The following FAM193A variants were observed in gnomAD, a reference collection of about 807,000 sequenced individuals.
FAM193A encodes the protein family with sequence similarity 193 member A, also known as protein FAM193A.
Under a neutral mutation model 126.5 loss-of-function variants are expected in FAM193A, and 22 were observed. The ratio of observed to expected loss-of-function variants is 0.17; its 90% CI spans 0.12 to 0.25. The LOEUF (loss-of-function observed/expected upper bound fraction) is 0.25. Among genes scored for constraint, FAM193A ranks in the 10% least tolerant of loss-of-function variants. The pLI, the probability that FAM193A is intolerant of heterozygous loss-of-function variation, is 1.00. For missense variants in FAM193A, 1,675 were observed against 1,672.8 expected, an observed-to-expected ratio of 1.00 and a Z score of -0.02; for synonymous variants, 761 against 646.8, an observed-to-expected ratio of 1.18 and a Z score of -2.68.
chr4:2,693,133 A>G (rs964453610), intron 15 of FAM193A, among the ~76,000 whole-genome samples: 1 of 151,898 alleles, frequency 6.6e-6, no homozygotes, highest in Non-Finnish European at 1.5e-5. Context: ...ATCCTCCTGC[A>G]TCAGCCTCCC....
intron 13 of FAM193A, among the ~76,000 whole-genome samples, chr4:2,685,641 A>T (rs748053111): frequency 2.0e-5 from 3 of 152,210 alleles, no homozygotes; most frequent in Admixed American, 6.5e-5. Flanking sequence ...GTTACTGGGG[A>T]TACAACTGGA....
chr4:2,661,374 T>A lies in FAM193A; in HGVS notation c.1745+1320T>A, dbSNP rs193251658. ...AGTGTACCACACAGTACTTCCTGGA[T>A]CTTATGGGTTGGATCTTTACGGAGC... is the stretch of plus-strand genomic sequence containing the variant. On this transcript the variant is annotated intron_variant, in intron 10 of 20. Transcript: ENST00000637812. Among the ~76,000 whole-genome samples the A allele has an allele frequency of 4.6e-5, 7 of 152,322 alleles. No individual in the cohort carries two copies. The East Asian group carries it at 1.3e-3, about 29-fold the overall frequency.
chr4:2,596,981 T>G (rs1414841142), intron 2 of FAM193A, among the ~76,000 whole-genome samples: 1 of 152,180 alleles, frequency 6.6e-6, no homozygotes, highest in Admixed American at 6.5e-5. Context: ...GATACCTTGC[T>G]ATGTGCAGCC....
At chr4:2,631,866 G>A (rs371871262) in intron 5 of FAM193A, among the ~76,000 whole-genome samples, 4 of 152,164 alleles carry the variant, frequency 2.6e-5, no homozygotes, top group Non-Finnish European at 2.9e-5. Context: ...GTGCCCCCAC[G>A]CTTTGGAAGG....
intron 19 of FAM193A, among the ~76,000 whole-genome samples, chr4:2,704,053 G>A (rs760258561): frequency 7.3e-5 from 11 of 150,714 alleles, no homozygotes; most frequent in Non-Finnish European, 1.6e-4. Context: ...GGATCACGAG[G>A]TCAGGAGATG....
chr4:2,618,812 C>T (rs1441021447), intron 2 of FAM193A, among the ~76,000 whole-genome samples: 1 of 152,064 alleles, frequency 6.6e-6, no homozygotes, highest in Non-Finnish European at 1.5e-5. Context: ...TCAGGCTGGT[C>T]TCGAGCTCCT....
At chr4:2,655,193 A>G in intron 7 of FAM193A, 1 of 618,214 alleles carries the variant, frequency 1.6e-6, no homozygotes, top group Non-Finnish European at 3.0e-6. Context: ...CTAGCAAATT[A>G]AAGAAGTTTA....
chr4:2,643,302 TACAA>T (rs1431826614), intron 6 of FAM193A, among the ~76,000 whole-genome samples: 1 of 152,168 alleles, frequency 6.6e-6, no homozygotes, highest in African/African-American at 2.4e-5. Flanking sequence ...ACTGATTACA[TACAA>T]ACACCCCTTA....
At chr4:2,670,774 C>G (rs752457697) in intron 12 of FAM193A, among the ~76,000 whole-genome samples, 1 of 152,118 alleles carries the variant, frequency 6.6e-6, no homozygotes, top group Non-Finnish European at 1.5e-5. Flanking sequence ...TCATACTTCT[C>G]TTTAATCTTT....
At chr4:2,719,022 T>G (rs544706359) in intron 20 of FAM193A, among the ~76,000 whole-genome samples, 1 of 152,128 alleles carries the variant, frequency 6.6e-6, no homozygotes, top group South Asian at 2.1e-4. Context: ...TTGAGCAAAC[T>G]CTACCAGTGA....
At chr4:2,728,438 C>T (rs991066968) in intron 20 of FAM193A, among the ~76,000 whole-genome samples, 69 of 152,074 alleles carry the variant, frequency 4.5e-4, no homozygotes, top group African/African-American at 1.4e-3. Context: ...TTCTATTTTC[C>T]TGTCTCTTTA....
intron 7 of FAM193A, among the ~76,000 whole-genome samples, chr4:2,655,785 G>T (rs1397070570): frequency 6.6e-6 from 1 of 152,030 alleles, no homozygotes; most frequent in African/African-American, 2.4e-5. Flanking sequence ...AAAAAAATTA[G>T]CCAGGTGTGG....
chr4:2,644,548 A>T (rs981764277), intron 6 of FAM193A, among the ~76,000 whole-genome samples: 7 of 152,204 alleles, frequency 4.6e-5, no homozygotes, highest in African/African-American at 1.7e-4. Context: ...GGGCAGAAAC[A>T]GCCTTAGGAG....
At chr4:2,667,246 G>T (rs1314181414) in intron 12 of FAM193A, among the ~76,000 whole-genome samples, 1 of 152,218 alleles carries the variant, frequency 6.6e-6, no homozygotes, top group African/African-American at 2.4e-5. Context: ...TGTAAGGACA[G>T]TAACCCCATT....
intron 1 of FAM193A, among the ~76,000 whole-genome samples, chr4:2,552,884 A>G (rs1578581525): frequency 8.4e-6 from 1 of 119,034 alleles, no homozygotes; most frequent in Admixed American, 1.0e-4. Flanking sequence ...GTCTTGTTCC[A>G]TCGTCCAGGC....
At chr4:2,695,165 A>G in intron 17 of FAM193A, 36 bp downstream of exon 17, 1 of 1,523,784 alleles carries the variant, frequency 6.6e-7, no homozygotes, top group Non-Finnish European at 8.8e-7. Flanking sequence ...TGATGTGGGA[A>G]GTGTGCAACA....
intron 19 of FAM193A, among the ~76,000 whole-genome samples, chr4:2,705,603 A>T (rs572717699): frequency 6.6e-6 from 1 of 151,068 alleles, no homozygotes; most frequent in Admixed American, 6.6e-5. Context: ...TTTTTTGGGA[A>T]GTGGGGTATA....
intron 1 of FAM193A, among the ~76,000 whole-genome samples, chr4:2,576,759 G>C (rs1739611439): frequency 6.6e-6 from 1 of 152,206 alleles, no homozygotes; most frequent in African/African-American, 2.4e-5. Flanking sequence ...ATATATGTGT[G>C]TGCTTCTAGT....
intron 12 of FAM193A, among the ~76,000 whole-genome samples, chr4:2,666,142 C>G (rs1713087794): frequency 6.6e-6 from 1 of 152,142 alleles, no homozygotes; most frequent in Non-Finnish European, 1.5e-5. Flanking sequence ...CATAGATGCC[C>G]TTTATTGGGT....
Sources: gnomAD v4.1 joint callset for allele counts (sites outside exome capture counted in the v4.1 genomes callset) on GRCh38, gnomAD v4.1.1 for gene constraint, MANE v1.5 for transcripts, NCBI Gene and HGNC (gene_info 2026-07-23, HGNC 2026-07-21) for gene names.